Variants in EPHA6 observed in about 807,000 individuals in gnomAD.
The protein encoded by EPHA6 is EPH receptor A6.
EPHA6 carries 50 observed loss-of-function variants against 112.0 expected under a neutral mutation model. That is an observed-to-expected ratio of 0.45 (90% CI 0.36 to 0.56). The LOEUF (loss-of-function observed/expected upper bound fraction) is 0.56. Ranked by LOEUF, EPHA6 falls within the 20% of genes least tolerant of loss-of-function variation. EPHA6 has a pLI of 0.00. For synonymous variants in EPHA6, 529 were observed against 490.7 expected, an observed-to-expected ratio of 1.08 and a Z score of -1.03; for missense variants, 1,280 against 1,417.4, an observed-to-expected ratio of 0.90 and a Z score of 1.56.
At chr3:97,604,094 G>A (rs950123563) in intron 12 of EPHA6, among the ~76,000 whole-genome samples, 7 of 151,640 alleles carry the variant, frequency 4.6e-5, no homozygotes, top group Admixed American at 2.6e-4. Flanking sequence ...CCACCCTAAG[G>A]AGGAGGCTAT....
chr3:97,735,713 A>G (rs2035223501), intron 15 of EPHA6, among the ~76,000 whole-genome samples: 1 of 151,972 alleles, frequency 6.6e-6, no homozygotes, highest in Non-Finnish European at 1.5e-5. Flanking sequence ...TGTTTAAAAC[A>G]TATTTTCCTC....
intron 5 of EPHA6, among the ~76,000 whole-genome samples, chr3:97,299,010 T>A (rs2080984631): frequency 6.6e-6 from 1 of 152,220 alleles, no homozygotes; most frequent in East Asian, 1.9e-4. Flanking sequence ...GTGATTATAT[T>A]CATTTATTTA....
At chr3:97,378,541 T>A (rs547026456) in intron 5 of EPHA6, among the ~76,000 whole-genome samples, 1 of 152,198 alleles carries the variant, frequency 6.6e-6, no homozygotes, top group Non-Finnish European at 1.5e-5. Flanking sequence ...CTGGAAAAGC[T>A]GCAGACACTC....
At chr3:97,589,402 C>T (rs527581805) in intron 11 of EPHA6, among the ~76,000 whole-genome samples, 129 of 152,260 alleles carry the variant, frequency 8.5e-4, no homozygotes, top group African/African-American at 2.8e-3. Context: ...GCCATGTCAG[C>T]TTCTGCTTTT....
intron 5 of EPHA6, among the ~76,000 whole-genome samples, chr3:97,266,533 G>A (rs921328523): frequency 1.3e-5 from 2 of 151,990 alleles, no homozygotes; most frequent in African/African-American, 4.8e-5. Flanking sequence ...GCTACCACTA[G>A]CCCAGACAAC....
At chr3:97,406,314 G>A (rs2087341634) in intron 6 of EPHA6, among the ~76,000 whole-genome samples, 1 of 152,166 alleles carries the variant, frequency 6.6e-6, no homozygotes, top group South Asian at 2.1e-4. Flanking sequence ...AGAAGTCTGA[G>A]ATCGAGGACC....
chr3:97,239,607 C>A (rs574007624), intron 4 of EPHA6, among the ~76,000 whole-genome samples: 1 of 151,824 alleles, frequency 6.6e-6, no homozygotes, highest in Non-Finnish European at 1.5e-5. Context: ...AAAATGTATT[C>A]ACTATTTATT....
chr3:97,080,293 G>A (rs1576451024), intron 3 of EPHA6, among the ~76,000 whole-genome samples: 1 of 152,104 alleles, frequency 6.6e-6, no homozygotes, highest in Admixed American at 6.6e-5. Context: ...AACTCAGTTT[G>A]GAAGTGTGGG....
At chr3:97,046,804 A>C (rs185369574) in intron 3 of EPHA6, among the ~76,000 whole-genome samples, 1 of 152,254 alleles carries the variant, frequency 6.6e-6, no homozygotes, top group African/African-American at 2.4e-5. Flanking sequence ...GTCCTGCAAA[A>C]ATTTTAGAAA....
intron 14 of EPHA6, among the ~76,000 whole-genome samples, chr3:97,690,525 T>G (rs1251571500): frequency 6.6e-6 from 1 of 151,910 alleles, no homozygotes; most frequent in Non-Finnish European, 1.5e-5. Flanking sequence ...TGGAGCGTAG[T>G]GGCACAATCG....
At chr3:97,082,504 T>C (rs2046754618) in intron 3 of EPHA6, among the ~76,000 whole-genome samples, 1 of 151,992 alleles carries the variant, frequency 6.6e-6, no homozygotes, top group East Asian at 1.9e-4. Context: ...ATGCTCAATT[T>C]TCCCCCTGCT....
intron 3 of EPHA6, among the ~76,000 whole-genome samples, chr3:97,105,732 T>C (rs975547022): frequency 3.9e-5 from 6 of 152,154 alleles, no homozygotes; most frequent in African/African-American, 1.4e-4. Flanking sequence ...TGGTGATCTT[T>C]CTAAATACTG....
intron 1 of EPHA6, among the ~76,000 whole-genome samples, chr3:96,861,058 G>A (rs888845369): frequency 6.6e-6 from 1 of 152,112 alleles, no homozygotes; most frequent in East Asian, 1.9e-4. Flanking sequence ...ATCCACACCC[G>A]AGTTATCCTT....
At chr3:96,941,029 A>G (rs1208703659) in intron 2 of EPHA6, among the ~76,000 whole-genome samples, 2 of 152,190 alleles carry the variant, frequency 1.3e-5, no homozygotes, top group East Asian at 3.9e-4. Context: ...GCTGCCCTTA[A>G]CATTTTTTCC....
chr3:97,265,492 G>A (rs141418699), intron 5 of EPHA6, among the ~76,000 whole-genome samples: 1 of 152,348 alleles, frequency 6.6e-6, no homozygotes, highest in Non-Finnish European at 1.5e-5. Flanking sequence ...GGCTGTGACA[G>A]CGCCTGGGCT....
At chr3:97,592,796 G>C (rs934429135) in intron 12 of EPHA6, 59 bp downstream of exon 12, 35 of 1,470,940 alleles carry the variant, frequency 2.4e-5, no homozygotes, top group Non-Finnish European at 3.2e-5. Flanking sequence ...TGTGCTCATA[G>C]TTGATAGGCC....
At chr3:97,328,464 T>A (rs1417479840) in intron 5 of EPHA6, among the ~76,000 whole-genome samples, 1 of 152,056 alleles carries the variant, frequency 6.6e-6, no homozygotes, top group Non-Finnish European at 1.5e-5. Context: ...TGGACATAAT[T>A]TCATGTACCT....
chr3:97,298,390 T>A (rs951652386), intron 5 of EPHA6, among the ~76,000 whole-genome samples: 1 of 152,198 alleles, frequency 6.6e-6, no homozygotes, highest in Non-Finnish European at 1.5e-5. Flanking sequence ...TAACAATGAT[T>A]ACTAGGCCAA....
chr3:97,058,188 C>A (rs2045909948), intron 3 of EPHA6, among the ~76,000 whole-genome samples: 1 of 151,870 alleles, frequency 6.6e-6, no homozygotes, highest in Non-Finnish European at 1.5e-5. Flanking sequence ...CAAAGGTATG[C>A]ATGTTTATAT....
Sources: gnomAD v4.1 joint callset for allele counts (sites outside exome capture counted in the v4.1 genomes callset) on GRCh38, gnomAD v4.1.1 for gene constraint, MANE v1.5 for transcripts, NCBI Gene and HGNC (gene_info 2026-07-23, HGNC 2026-07-21) for gene names.